Variants in FBXO36 observed in about 807,000 individuals in gnomAD.
FBXO36 encodes the protein F-box only protein 36.
Under a neutral mutation model 17.0 loss-of-function variants are expected in FBXO36, and 18 were observed. The observed-to-expected ratio is 1.06, with a 90% CI of 0.73 to 1.57. The LOEUF (loss-of-function observed/expected upper bound fraction) is 1.57, where lower values mean the gene tolerates loss of function less well. FBXO36 is among the 40% of genes most tolerant of loss of function. FBXO36 has a pLI of 0.00. For missense variants in FBXO36, 229 were observed against 221.9 expected, an observed-to-expected ratio of 1.03 and a Z score of -0.20; for synonymous variants, 83 against 85.3, an observed-to-expected ratio of 0.97 and a Z score of 0.15.
At chr2:229,932,842 G>GGTGCCTCCCAAA (rs1212701229) in intron 1 of FBXO36, 1 of 297,626 alleles carries the variant, frequency 3.4e-6, no homozygotes, top group East Asian at 1.4e-4. Context: ...GGCCGAGCCA[G>GGTGCCTCCCAAA]GTGGATCACG....
At chr2:229,934,417 A>C (rs1028044372) in intron 1 of FBXO36, among the ~76,000 whole-genome samples, 4 of 152,054 alleles carry the variant, frequency 2.6e-5, no homozygotes, top group Admixed American at 1.3e-4. Context: ...TAAATAAATA[A>C]ATAAAATAAA....
At chr2:229,926,125 T>TAAAA (rs34162848) in intron 1 of FBXO36, among the ~76,000 whole-genome samples, 1 of 103,456 alleles carries the variant, frequency 9.7e-6, no homozygotes, top group Non-Finnish European at 2.0e-5. Flanking sequence ...CCCCTTCTCT[T>TAAAA]AAAAAAAAAA....
chr2:229,944,838 C>G (rs1577333375), intron 1 of FBXO36, among the ~76,000 whole-genome samples: 1 of 152,002 alleles, frequency 6.6e-6, no homozygotes, highest in East Asian at 1.9e-4. Context: ...CGTGATCCAC[C>G]CACCTCGGAC....
At chr2:229,979,572 G>A (rs990056109) in intron 2 of FBXO36, among the ~76,000 whole-genome samples, 4 of 152,010 alleles carry the variant, frequency 2.6e-5, no homozygotes, top group Non-Finnish European at 5.9e-5. Flanking sequence ...CTGAGGTCAG[G>A]TGTTTGAGAC....
At chr2:229,948,036 C>T (rs918394992) in intron 1 of FBXO36, among the ~76,000 whole-genome samples, 9 of 151,850 alleles carry the variant, frequency 5.9e-5, no homozygotes, top group South Asian at 2.1e-4. Context: ...TGGTGGCTCA[C>T]GCCATTAATC....
chr2:229,923,841 GGTGTT>G (rs2076874308), intron 1 of FBXO36, among the ~76,000 whole-genome samples: 2 of 140,662 alleles, frequency 1.4e-5, no homozygotes, highest in African/African-American at 5.3e-5. Flanking sequence ...CTTTTTTTTT[GGTGTT>G]GTTTTTTTTT....
At chr2:229,988,482 C>T (rs192129861) in intron 2 of FBXO36, among the ~76,000 whole-genome samples, 1 of 152,200 alleles carries the variant, frequency 6.6e-6, no homozygotes, top group Admixed American at 6.6e-5. Flanking sequence ...TCCAGGAAAT[C>T]GCTTCATGTC....
intron 1 of FBXO36, among the ~76,000 whole-genome samples, chr2:229,932,459 G>A (rs2076943576): frequency 6.6e-6 from 1 of 152,062 alleles, no homozygotes; most frequent in Admixed American, 6.6e-5. Flanking sequence ...GTTGGAGGTT[G>A]CAGTGAGCCA....
At chr2:229,968,813 G>A (rs2077166600) in intron 1 of FBXO36, among the ~76,000 whole-genome samples, 1 of 151,906 alleles carries the variant, frequency 6.6e-6, no homozygotes, top group South Asian at 2.1e-4. Flanking sequence ...TTGTTCTGTT[G>A]CCCAGGCTGG....
intron 1 of FBXO36, among the ~76,000 whole-genome samples, chr2:229,924,441 G>A (rs2076893277): frequency 6.6e-6 from 1 of 151,882 alleles, no homozygotes; most frequent in Non-Finnish European, 1.5e-5. Context: ...TAACATGAGT[G>A]GTCAAAAATA....
chr2:230,004,178 C>T lies in FBXO36; in HGVS notation c.379-6518C>T, dbSNP rs981870150. On this transcript the variant is annotated intron_variant, in intron 3 of 3. Transcript: ENST00000283946. ...CTCTCTTTTCCAGGAATATTCTCCT[C>T]CTGACTCAACCACCACCTGGATCTC... 7.2e-5 allele frequency among the ~76,000 whole-genome samples: 11 copies of T among 152,298 alleles called. No individual in the cohort carries two copies. In the East Asian group the frequency reaches 1.9e-3, roughly 27 times the overall value.
intron 3 of FBXO36, among the ~76,000 whole-genome samples, chr2:230,004,157 C>T (rs370123902): frequency 1.3e-5 from 2 of 152,198 alleles, no homozygotes; most frequent in East Asian, 3.9e-4. Context: ...ACACTGCTCT[C>T]TTTTCCAGGA....
At chr2:229,931,331 G>C (rs966839225) in intron 1 of FBXO36, among the ~76,000 whole-genome samples, 8 of 152,050 alleles carry the variant, frequency 5.3e-5, no homozygotes, top group Admixed American at 3.3e-4. Flanking sequence ...CAGTTAATTT[G>C]GTCTCACCCT....
At chr2:229,963,049 GT>G (rs2077131843) in intron 1 of FBXO36, among the ~76,000 whole-genome samples, 1 of 150,974 alleles carries the variant, frequency 6.6e-6, no homozygotes. Flanking sequence ...CATTCATTCA[GT>G]CCCCTATTGC....
At chr2:229,979,097 G>A (rs1345801545) in intron 2 of FBXO36, among the ~76,000 whole-genome samples, 1 of 151,560 alleles carries the variant, frequency 6.6e-6, no homozygotes, top group African/African-American at 2.4e-5. Context: ...TTGAACCTGG[G>A]AGGTGGAGGT....
intron 1 of FBXO36, among the ~76,000 whole-genome samples, chr2:229,969,891 C>A (rs1383376791): frequency 6.6e-6 from 1 of 152,102 alleles, no homozygotes; most frequent in Non-Finnish European, 1.5e-5. Context: ...AGAGGTATTT[C>A]ACCGAAGAGG....
At chr2:229,979,532 C>T (rs958206990) in intron 2 of FBXO36, among the ~76,000 whole-genome samples, 1 of 151,832 alleles carries the variant, frequency 6.6e-6, no homozygotes, top group African/African-American at 2.4e-5. Flanking sequence ...ATAATCCCAG[C>T]ACTTTGGGAG....
At chr2:229,968,234 A>G (rs1577346595) in intron 1 of FBXO36, among the ~76,000 whole-genome samples, 1 of 151,848 alleles carries the variant, frequency 6.6e-6, no homozygotes, top group Non-Finnish European at 1.5e-5. Context: ...TGAATTAAAA[A>G]TGTATTTTCC....
intron 1 of FBXO36, among the ~76,000 whole-genome samples, chr2:229,973,634 T>G (rs796880144): frequency 6.6e-6 from 1 of 150,826 alleles, no homozygotes; most frequent in African/African-American, 2.4e-5. Flanking sequence ...GGCAGGAGAA[T>G]TGCTTGAACC....
Sources: gnomAD v4.1 joint callset for allele counts (sites outside exome capture counted in the v4.1 genomes callset) on GRCh38, gnomAD v4.1.1 for gene constraint, MANE v1.5 for transcripts, NCBI Gene and HGNC (gene_info 2026-07-23, HGNC 2026-07-21) for gene names.